ESS2: variants seen among roughly 807,000 people sequenced by gnomAD.
ESS2 encodes ess-2 spliceosome associated protein, also known as splicing factor ESS-2 homolog.
Under a neutral mutation model 52.0 loss-of-function variants are expected in ESS2, and 31 were observed. The ratio of observed to expected loss-of-function variants is 0.60; its 90% CI spans 0.45 to 0.81. The LOEUF is 0.81. ESS2 is among the 30% of genes least tolerant of loss of function. ESS2 has a pLI of 0.00. For synonymous variants in ESS2, 285 were observed against 259.2 expected, an observed-to-expected ratio of 1.10 and a Z score of -0.95; for missense variants, 602 against 637.2, an observed-to-expected ratio of 0.94 and a Z score of 0.59.
At chr22:19,136,313 ATTTT>A (rs1326538201) in intron 8 of ESS2, among the ~76,000 whole-genome samples, 3 of 5,074 alleles carry the variant, frequency 5.9e-4, no homozygotes, top group African/African-American at 1.5e-3. Flanking sequence ...ATTCGCCACT[ATTTT>A]CTAGTCCCAG....
chr22:19,132,484 A>T lies in ESS2; in HGVS notation c.*1712T>A. On this transcript the variant is annotated 3_prime_UTR_variant, in exon 10 of 10. Transcript: ENST00000252137. The surrounding 1 kb of genome is among the most constrained non-coding windows in gnomAD (Gnocchi z 4.2). The stretch of plus-strand genomic sequence containing the variant: ...GGGAAAGCAAGCACCTAGCATGACA[A>T]TGGCCCCGTTGTGTGTGGTGGGGGT... 6.2e-7 allele frequency: 1 copy of T among 1,600,750 alleles called. No individual in the cohort carries two copies. Among genetic ancestry groups the T allele is most frequent in the Non-Finnish European group, 8.5e-7 (1 of 1,172,488 alleles).
Position 19,132,059 on chromosome 22 carries a change from C to A in ESS2, c.*2137G>T. The A allele has an allele frequency of 1.2e-6, 2 of 1,614,058 alleles. No individual in the cohort carries two copies. The highest frequency in any genetic ancestry group is 1.7e-6 in the Non-Finnish European group (2 of 1,179,956). The stretch of plus-strand genomic sequence containing the variant: ...GCTCCATGCCCTATGACGACTCCGA[C>A]ATCAGGAAGATGCTGCGTATCCAGA... On this transcript the variant is annotated 3_prime_UTR_variant, in exon 10 of 10. Transcript: ENST00000252137. The surrounding 1 kb of genome is among the most constrained non-coding windows in gnomAD (Gnocchi z 4.2).
Position 19,135,051 on chromosome 22 carries a change from G to T in ESS2, c.1151+9C>A. On this transcript the variant is annotated intron_variant, in intron 9 of 9. Coordinates refer to ENST00000252137, the MANE Select transcript of ESS2 (RefSeq NM_022719.3). ...CTCGCACTTCCCCACCAGCCAGGCG[G>T]CCCCTCACCTGGCCAGATTCTCCGT... 1 of 1,610,470 alleles carries T rather than the reference G, an allele frequency of 6.2e-7. No homozygotes were observed.
In ESS2 at chr22:19,132,768, T is replaced by C. The variant is rs998392491; in HGVS notation, c.*1428A>G. 2.2e-5 allele frequency: 9 copies of C among 406,640 alleles called. No homozygotes were observed. The highest frequency in any genetic ancestry group is 3.6e-5 in the Non-Finnish European group (8 of 221,798). The allele number at this position is 406,640 out of a possible 1,614,324, so 25.2% of individuals were successfully genotyped here. On this transcript the variant is annotated 3_prime_UTR_variant, in exon 10 of 10. Coordinates refer to ENST00000252137, the MANE Select transcript of ESS2 (RefSeq NM_022719.3). The surrounding 1 kb of genome is among the most constrained non-coding windows in gnomAD (Gnocchi z 4.2). ...GCCAACCGCCCCACCTGACACACAG[T>C]GGTCTCCGGCCTAGGAGCACAGGAC...
intron 8 of ESS2, among the ~76,000 whole-genome samples, chr22:19,137,009 G>C (rs556536769): frequency 3.3e-5 from 5 of 152,198 alleles, no homozygotes; most frequent in Non-Finnish European, 7.4e-5. Context: ...CTCGTCCTAT[G>C]GCCCTCAGGC....
chr22:19,138,938 G>A (rs1006317445), intron 6 of ESS2, among the ~76,000 whole-genome samples: 2 of 152,200 alleles, frequency 1.3e-5, no homozygotes, highest in South Asian at 2.1e-4. Context: ...GCCATCAAGG[G>A]AGCTGGCACA....
At position 19,132,202 on chromosome 22, in the gene ESS2, G is replaced by C; in HGVS notation, c.*1994C>G. The C allele has an allele frequency of 6.2e-7, 1 of 1,612,660 alleles. No individual in the cohort carries two copies. The highest frequency in any genetic ancestry group is 8.5e-7 in the Non-Finnish European group (1 of 1,178,922). On this transcript the variant is annotated 3_prime_UTR_variant, in exon 10 of 10. Transcript: ENST00000252137. This position sits in a 1 kb window ranked among gnomAD's most constrained non-coding sequence, Gnocchi z 4.2. ...CGGCTCCACATCGATGAGATCCTCA[G>C]CCACTCGTGGCTGCAGCCCCCCAAG...
Position 19,142,830 on chromosome 22 carries a change from T to C in ESS2, c.200A>G (p.Glu67Gly). 6.2e-7 allele frequency: 1 copy of C among 1,614,064 alleles called. No individual in the cohort carries two copies. Residue 67 changes from glutamate (E) to glycine (G), a missense_variant, in exon 2 of 10, where the codon GAG (glutamate) becomes GGG (glycine). Coordinates refer to ENST00000252137, the MANE Select transcript of ESS2 (RefSeq NM_022719.3). ...TCCATTCTCCTCGGCTTCCAGGTAC[T>C]CCTTCTGTGCCTGGAGCTTCTCCAC... ...PDVEKLQAQK[E>G]YLEAEENGDL...
At position 19,132,535 on chromosome 22, in the gene ESS2, G is replaced by A. The variant is rs565480238; in HGVS notation, c.*1661C>T. The A allele has an allele frequency of 6.5e-5, 98 of 1,511,076 alleles. 1 individual carries two copies. Among genetic ancestry groups the A allele is most frequent in the South Asian group, 3.8e-4 (30 of 78,140 alleles). 93.6% of individuals were successfully genotyped at this position (1,511,076 alleles called of 1,614,324 possible). On this transcript the variant is annotated 3_prime_UTR_variant, in exon 10 of 10. Coordinates refer to ENST00000252137, the MANE Select transcript of ESS2 (RefSeq NM_022719.3). The surrounding 1 kb of genome is among the most constrained non-coding windows in gnomAD (Gnocchi z 4.2). ...CGGGGTTGGGGGGCATGGTGCAGTCGGCCTTCACGTAAACTAAGTAGGCAG... is the reference window on the plus strand; with the variant it reads ...CGGGGTTGGGGGGCATGGTGCAGTCAGCCTTCACGTAAACTAAGTAGGCAG...
At position 19,131,259 on chromosome 22, in the gene ESS2, G is replaced by T; in HGVS notation, c.*2937C>A. On this transcript the variant is annotated 3_prime_UTR_variant, in exon 10 of 10. Coordinates refer to ENST00000252137, the MANE Select transcript of ESS2 (RefSeq NM_022719.3). The surrounding 1 kb of genome is among the most constrained non-coding windows in gnomAD (Gnocchi z 5.7). Reference sequence around the variant, plus strand: ...TTGGCTGAAGTCACCCGGAGACAATGCTGAGTGTTCCACCCCTGAGTCGAA... The same window carrying T: ...TTGGCTGAAGTCACCCGGAGACAATTCTGAGTGTTCCACCCCTGAGTCGAA... 1.5e-6 allele frequency: 1 copy of T among 681,804 alleles called. No individual in the cohort carries two copies. Among genetic ancestry groups the T allele is most frequent in the East Asian group, 2.6e-5 (1 of 37,754 alleles). The allele number at this position is 681,804 out of a possible 1,614,324, so 42.2% of individuals were successfully genotyped here.
At chr22:19,143,021 A>G in intron 1 of ESS2, 127 bp from the exon 2 acceptor site, 1 of 903,250 alleles carries the variant, frequency 1.1e-6, no homozygotes, top group East Asian at 2.5e-5. Flanking sequence ...CCTGGCCAAC[A>G]TGGTGAAACC....
At chr22:19,139,087 G>C in intron 6 of ESS2, 72 bp downstream of exon 6, 1 of 1,519,418 alleles carries the variant, frequency 6.6e-7, no homozygotes, top group Non-Finnish European at 8.8e-7. Flanking sequence ...AAAGAGATGG[G>C]AGAGATCATG....
Position 19,134,460 on chromosome 22 carries a change from G to A in ESS2, c.1167C>T (p.Gly389=). The A allele has an allele frequency of 6.4e-7, 1 of 1,567,120 alleles. No homozygotes were observed. The highest frequency in any genetic ancestry group is 2.3e-5 in the East Asian group (1 of 43,242). ...TENLASLTPK[G]LSPAMSPALQ... is the part of the protein sequence containing the mutation. Reference sequence around the variant, plus strand: ...GGGCTGGCGACATGGCTGGGCTCAGGCCTTTGGGGGTGAGGCTGGGGTGGA... The same window carrying A: ...GGGCTGGCGACATGGCTGGGCTCAGACCTTTGGGGGTGAGGCTGGGGTGGA... Residue 389 remains glycine (G), a synonymous_variant, in exon 10 of 10, where the codon GGC becomes GGT. Coordinates refer to ENST00000252137, the MANE Select transcript of ESS2 (RefSeq NM_022719.3).
intron 3 of ESS2, among the ~76,000 whole-genome samples, chr22:19,141,940 G>T (rs1312497351): frequency 6.6e-6 from 1 of 151,978 alleles, no homozygotes; most frequent in African/African-American, 2.4e-5. Flanking sequence ...CAGTGAGCCG[G>T]GATCACACCA....
intron 7 of ESS2, 162 bp downstream of exon 7, chr22:19,138,053 T>G: frequency 1.0e-6 from 1 of 985,372 alleles, no homozygotes. Context: ...CCTGGACACC[T>G]GGCCTCTAGG....
rs370350369 is a variant in ESS2, at chr22:19,132,525, T to C, written c.*1671A>G. 2 of 1,541,700 alleles carry C rather than the reference T, an allele frequency of 1.3e-6. No homozygotes were observed. Among genetic ancestry groups the C allele is most frequent in the African/African-American group, 1.4e-5 (1 of 73,094 alleles). ...TGGTGGGGGTCGGGGTTGGGGGGCA[T>C]GGTGCAGTCGGCCTTCACGTAAACT... On this transcript the variant is annotated 3_prime_UTR_variant, in exon 10 of 10. Coordinates refer to ENST00000252137, the MANE Select transcript of ESS2 (RefSeq NM_022719.3). This position sits in a 1 kb window ranked among gnomAD's most constrained non-coding sequence, Gnocchi z 4.2.
At chr22:19,139,045 G>C in intron 6 of ESS2, 114 bp downstream of exon 6, 1 of 1,390,378 alleles carries the variant, frequency 7.2e-7, no homozygotes, top group Non-Finnish European at 9.5e-7. Flanking sequence ...CAGGGCCCCA[G>C]ATGGTTCCAC....
intron 1 of ESS2, 48 bp downstream of exon 1, chr22:19,144,458 A>G: frequency 6.2e-7 from 1 of 1,609,794 alleles, no homozygotes; most frequent in Non-Finnish European, 8.5e-7. Context: ...AGGAGCTTGA[A>G]GCAGAGGATG....
Position 19,131,513 on chromosome 22 carries a change from G to A in ESS2, c.*2683C>T. 1 of 1,614,160 alleles carries A rather than the reference G, an allele frequency of 6.2e-7. No homozygotes were observed. Among genetic ancestry groups the A allele is most frequent in the Non-Finnish European group, 8.5e-7 (1 of 1,180,030 alleles). On this transcript the variant is annotated 3_prime_UTR_variant, in exon 10 of 10. Transcript: ENST00000252137. The surrounding 1 kb of genome is among the most constrained non-coding windows in gnomAD (Gnocchi z 5.7). ...ACTCTGAGCGCCTCAAGTTCAATGTGGCTGTCAAGATCATCGACCGCAAGA... is the reference window on the plus strand; with the variant it reads ...ACTCTGAGCGCCTCAAGTTCAATGTAGCTGTCAAGATCATCGACCGCAAGA...
Sources: allele counts gnomAD v4.1 joint callset (sites outside exome capture counted in the v4.1 genomes callset), GRCh38; gene constraint gnomAD v4.1.1; non-coding constraint Gnocchi (gnomAD v3.1); transcripts MANE v1.5; gene names NCBI Gene and HGNC (gene_info 2026-07-23, HGNC 2026-07-21).